Variants in SLC48A1 observed in about 807,000 individuals in gnomAD.
The protein encoded by SLC48A1 is heme transporter HRG1.
A neutral mutation model predicts 14.8 loss-of-function variants in SLC48A1; 6 were observed. The observed-to-expected ratio is 0.41, with a 90% CI of 0.22 to 0.80. SLC48A1 has a LOEUF of 0.80. Among genes scored for constraint, SLC48A1 ranks in the 30% least tolerant of loss-of-function variants. The probability of loss-of-function intolerance (pLI) is 0.34; values close to 1 mark genes in which losing one functional copy is unlikely to be tolerated. For missense variants in SLC48A1, 165 were observed against 204.8 expected, an observed-to-expected ratio of 0.81 and a Z score of 1.19; for synonymous variants, 89 against 90.0, an observed-to-expected ratio of 0.99 and a Z score of 0.06.
upstream of SLC48A1, chr12:47,773,119 G>T: frequency 6.9e-6 from 6 of 865,158 alleles, no homozygotes; most frequent in Non-Finnish European, 8.3e-6. Context: ...TGGCGTCTGC[G>T]GTTCCGGGCG....
chr12:47,757,343 A>C (rs1215413561), upstream of SLC48A1, among the ~76,000 whole-genome samples: 3 of 152,130 alleles, frequency 2.0e-5, no homozygotes, highest in Non-Finnish European at 4.4e-5. Flanking sequence ...AGATTCTCCA[A>C]ATGTCTCAGA....
chr12:47,758,006 G>A (rs199576694), upstream of SLC48A1: 2,763 of 1,574,664 alleles, frequency 1.8e-3, 6 homozygotes, highest in Non-Finnish European at 1.5e-3. Context: ...GCTCCCACCC[G>A]CGGTGCTCCC....
upstream of SLC48A1, among the ~76,000 whole-genome samples, chr12:47,771,969 CT>C (rs1413934469): frequency 6.6e-6 from 1 of 151,972 alleles, no homozygotes; most frequent in Non-Finnish European, 1.5e-5. Context: ...TGATTTTCCC[CT>C]AGAGCCTCCA....
Position 47,780,309 on chromosome 12 carries a change from G to C in SLC48A1, c.*28G>C. The C allele has an allele frequency of 6.2e-7, 1 of 1,614,034 alleles. No individual in the cohort carries two copies. Among genetic ancestry groups the C allele is most frequent in the Non-Finnish European group, 8.5e-7 (1 of 1,179,926 alleles). On this transcript the variant is annotated 3_prime_UTR_variant, in exon 3 of 3. Coordinates refer to ENST00000442218, the MANE Select transcript of SLC48A1 (RefSeq NM_017842.3). Reference sequence around the variant, plus strand: ...CAGGGGGTGAGGTCTCTGCACCCTGGGGGGGCCTTAGGACCTGGACTCAGC... The same window carrying C: ...CAGGGGGTGAGGTCTCTGCACCCTGCGGGGGCCTTAGGACCTGGACTCAGC...
chr12:47,776,230 C>T (rs1942750623), intron 1 of SLC48A1, among the ~76,000 whole-genome samples: 1 of 152,224 alleles, frequency 6.6e-6, no homozygotes, highest in African/African-American at 2.4e-5. Flanking sequence ...CTACCCTATG[C>T]CTTCCTTACC....
chr12:47,757,986 G>A (rs1261465179), upstream of SLC48A1: 21 of 1,570,244 alleles, frequency 1.3e-5, no homozygotes, highest in African/African-American at 4.1e-5. Flanking sequence ...CCGGCACCAC[G>A]TCAGGGAGGG....
chr12:47,760,493 C>T (rs1305762862), intron 2 of SLC48A1: 1 of 784,510 alleles, frequency 1.3e-6, no homozygotes, highest in African/African-American at 1.9e-5. Context: ...AGGAAGGCTT[C>T]CTGAGACTGG....
upstream of SLC48A1, chr12:47,757,890 C>T (rs769725885): frequency 9.6e-6 from 15 of 1,555,810 alleles, no homozygotes; most frequent in East Asian, 1.9e-4. Flanking sequence ...GGATGCAGCT[C>T]GGACGCTGGT....
intron 2 of SLC48A1, among the ~76,000 whole-genome samples, chr12:47,765,156 A>G (rs1942489355): frequency 6.6e-6 from 1 of 150,664 alleles, no homozygotes; most frequent in South Asian, 2.1e-4. Flanking sequence ...AGAGAGAAAC[A>G]GAAAAGTGGG....
upstream of SLC48A1, among the ~76,000 whole-genome samples, chr12:47,754,961 GAC>G (rs1941965436): frequency 6.6e-6 from 1 of 152,240 alleles, no homozygotes; most frequent in South Asian, 2.1e-4. Flanking sequence ...GGGCTGGAGA[GAC>G]AGGCACAGAG....
chr12:47,769,717 T>C (rs191065533), upstream of SLC48A1: 2 of 152,346 alleles, frequency 1.3e-5, no homozygotes, highest in Admixed American at 1.3e-4. Flanking sequence ...TCTCGATCTT[T>C]GTAACAAGCC....
chr12:47,759,495 C>CTGCTCTCCAGAACGGGTAGGGGCT (rs1352027876), intron 1 of SLC48A1, among the ~76,000 whole-genome samples: 2 of 58,554 alleles, frequency 3.4e-5, no homozygotes, highest in Admixed American at 1.3e-4. Context: ...GGGTAGGGGC[C>CTGCTCTCCAGAACGGGTAGGGGCT]CTAAGAGGAG....
chr12:47,781,041 T>A lies in SLC48A1; in HGVS notation c.*760T>A. 2.4e-6 allele frequency: 1 copy of A among 411,024 alleles called. No individual in the cohort carries two copies. The highest frequency in any genetic ancestry group is 4.8e-6 in the Non-Finnish European group (1 of 207,088). 25.5% of individuals were successfully genotyped at this position (411,024 alleles called of 1,614,324 possible). Reference sequence around the variant, plus strand: ...AGGCCAGGTTGGGCACCTGGGGAGGTCAGTTCAGAAATATCTAGCAGAGAC... The same window carrying A: ...AGGCCAGGTTGGGCACCTGGGGAGGACAGTTCAGAAATATCTAGCAGAGAC... On this transcript the variant is annotated 3_prime_UTR_variant, in exon 3 of 3. Coordinates refer to ENST00000442218, the MANE Select transcript of SLC48A1 (RefSeq NM_017842.3).
chr12:47,778,942 T>C, intron 1 of SLC48A1, 86 bp from the exon 2 acceptor site: 1 of 1,374,254 alleles, frequency 7.3e-7, no homozygotes, highest in South Asian at 1.5e-5. Context: ...ATATTCTTGG[T>C]ATTCTTATGC....
upstream of SLC48A1, chr12:47,758,059 C>A: frequency 6.4e-7 from 1 of 1,569,492 alleles, no homozygotes; most frequent in Non-Finnish European, 8.6e-7. Flanking sequence ...CTGCCAGCAG[C>A]TCTCACCTGG....
At chr12:47,760,436 T>C (rs1464491634) in intron 2 of SLC48A1, 1 of 984,134 alleles carries the variant, frequency 1.0e-6, no homozygotes, top group Non-Finnish European at 1.2e-6. Flanking sequence ...GATGGAGTCA[T>C]GAGTTTCGGG....
At chr12:47,758,164 T>C, upstream of SLC48A1, 1 of 1,487,852 alleles carries the variant, frequency 6.7e-7, no homozygotes, top group Non-Finnish European at 8.9e-7. Flanking sequence ...CAGAACTACT[T>C]CCTTAGAGTC....
chr12:47,780,160 C>T lies in SLC48A1; in HGVS notation c.320C>T (p.Thr107Ile), dbSNP rs200053943. 3 of 1,605,558 alleles carry T rather than the reference C, an allele frequency of 1.9e-6. No individual in the cohort carries two copies. Among genetic ancestry groups the T allele is most frequent in the Non-Finnish European group, 8.5e-7 (1 of 1,175,066 alleles). The change falls in exon 3 of 3, where the codon ACC becomes ATC. Residue 107 changes from threonine (T) to isoleucine (I), a missense_variant. Physicochemically the swap from Thr to Ile is moderately conservative, Grantham distance 89. Transcript: ENST00000442218. Reference sequence around the variant, plus strand: ...CTCCCTGCAGGCCTCACAGACCCCACCAGCTACTACCTCTCCAGCGTCTGG... The same window carrying T: ...CTCCCTGCAGGCCTCACAGACCCCATCAGCTACTACCTCTCCAGCGTCTGG... ...ITRHQSLTDP[T>I]SYYLSSVWSF...
chr12:47,771,945 A>AG (rs1565779443), upstream of SLC48A1, among the ~76,000 whole-genome samples: 1 of 152,032 alleles, frequency 6.6e-6, no homozygotes, highest in East Asian at 1.9e-4. Flanking sequence ...AAAAAAAAAA[A>AG]AAGTCAAGGA....
Sources: gnomAD v4.1 joint callset for allele counts (sites outside exome capture counted in the v4.1 genomes callset) on GRCh38, gnomAD v4.1.1 for gene constraint, MANE v1.5 for transcripts, NCBI Gene and HGNC (gene_info 2026-07-23, HGNC 2026-07-21) for gene names.